ORC1: variants seen among roughly 807,000 people sequenced by gnomAD.
The protein encoded by ORC1 is origin recognition complex, subunit 1 homolog.
In ORC1, 61 loss-of-function variants were observed where a neutral mutation model predicts 98.9. The ratio of observed to expected loss-of-function variants is 0.62; its 90% confidence interval spans 0.50 to 0.76. The LOEUF is 0.76. Ranked by LOEUF, ORC1 falls within the 30% of genes least tolerant of loss-of-function variation. ORC1 has a pLI of 0.00. For missense variants in ORC1, 979 were observed against 1,072.2 expected (o/e 0.91, Z 1.21); for synonymous variants, 385 against 406.9 (o/e 0.95, Z 0.65).
upstream of ORC1, among the ~76,000 whole-genome samples, chr1:52,406,051 C>T (rs1458725249): frequency 2.0e-5 from 3 of 152,012 alleles, no homozygotes; most frequent in Non-Finnish European, 2.9e-5. Context: ...TGCAGTGGTG[C>T]GATCTCGGCC....
chr1:52,393,104 T>C (rs1272859820), intron 6 of ORC1, among the ~76,000 whole-genome samples: 1 of 152,130 alleles, frequency 6.6e-6, no homozygotes, highest in Non-Finnish European at 1.5e-5. Context: ...AAATGACTGT[T>C]AAAGTGTGGC....
At chr1:52,385,137 C>T (rs2147925459) in intron 10 of ORC1, 24 bp downstream of exon 10, 1 of 1,485,792 alleles carries the variant, frequency 6.7e-7, no homozygotes, top group East Asian at 2.3e-5. Flanking sequence ...CCCCAAACTA[C>T]CCTGCCTGCC....
chr1:52,390,522 C>T (rs1470599322), intron 6 of ORC1, among the ~76,000 whole-genome samples: 2 of 152,194 alleles, frequency 1.3e-5, no homozygotes, highest in Non-Finnish European at 2.9e-5. Context: ...TGGGGCCGGC[C>T]ATGGTGGCTC....
In ORC1 at chr1:52,393,218, A is replaced by C. The variant is rs139430708; in HGVS notation, c.1082+225T>G. Among the ~76,000 whole-genome samples the C allele has an allele frequency of 3.9e-3, 601 of 152,294 alleles. 3 individuals carry two copies. Among genetic ancestry groups the C allele is most frequent in the Middle Eastern group, 0.01 (3 of 294 alleles). ...CCCAAATAACAGCTCGGTATACTGG[A>C]ACCATCTGAAGAGCATTTCCAAATA... is the stretch of plus-strand genomic sequence containing the variant. On this transcript the variant is annotated intron_variant, in intron 6 of 16. Coordinates refer to ENST00000371568, the MANE Select transcript of ORC1 (RefSeq NM_004153.4).
In ORC1 at chr1:52,375,567, GC is replaced by G; in HGVS notation, c.2165del (p.Cys722SerfsTer27). On this transcript the variant is annotated frameshift_variant, in exon 15 of 17. Transcript: ENST00000371568. LOFTEE classifies it high-confidence loss of function. ...CTGTGGCACGCCTGCAGATGTCCAGGCACCGTCGTGCATCTCCAGACAGTGC... is the reference window on the plus strand; with the variant it reads ...CTGTGGCACGCCTGCAGATGTCCAGGACCGTCGTGCATCTCCAGACAGTGC... Reference protein sequence around the residue: ...VAALSGDARRCLDICRRATEI... With the variant: ...VAALSGDARRXLDICRRATEI... The G allele has an allele frequency of 1.9e-6, 3 of 1,614,072 alleles. No individual in the cohort carries two copies. The highest frequency in any genetic ancestry group is 2.5e-6 in the Non-Finnish European group (3 of 1,180,026).
At chr1:52,408,904 C>A (rs1390730000), upstream of ORC1, 10 of 467,352 alleles carry the variant, frequency 2.1e-5, no homozygotes, top group Admixed American at 2.6e-4. Flanking sequence ...TGTCTGTCTC[C>A]CTTTCCAAGT....
chr1:52,382,231 G>C (rs578229318), intron 13 of ORC1, among the ~76,000 whole-genome samples: 11 of 152,120 alleles, frequency 7.2e-5, no homozygotes, highest in African/African-American at 2.7e-4. Flanking sequence ...CACCTGCCTC[G>C]GCCTCCCAAA....
chr1:52,373,271 C>A lies in ORC1; in HGVS notation c.2496G>T (p.Leu832=). The A allele has an allele frequency of 6.2e-7, 1 of 1,614,216 alleles. No individual in the cohort carries two copies. Among genetic ancestry groups the A allele is most frequent in the African/African-American group, 1.3e-5 (1 of 75,064 alleles). ...GATCGTTCCTGCTGGGCTCCACAAG[C>A]AGGAGGCGACAGGAGCCCAGGTGAG... The part of the protein sequence containing the change: ...VCSHLGSCRL[L]LVEPSRNDLL... Residue 832 remains leucine, a synonymous_variant, in exon 17 of 17, where the codon CTG becomes CTT. Coordinates refer to ENST00000371568, the MANE Select transcript of ORC1 (RefSeq NM_004153.4).
Position 52,402,175 on chromosome 1 carries a change from C to G in ORC1, c.49G>C (p.Val17Leu). Residue 17 changes from valine to leucine, a missense_variant, in exon 2 of 17, where the codon GTT (valine) becomes CTT (leucine). By Grantham distance (32) the Val-to-Leu change is conservative. Transcript: ENST00000371568. Reference protein sequence around the residue: ...RLKTRKTYSWVGRPLLDRKLH... With the variant: ...RLKTRKTYSWLGRPLLDRKLH... Reference sequence around the variant, plus strand: ...TTTCGATCCAACAAGGGCCTGCCAACCCATGAATAAGTTTTTCTGGTCTTC... The same window carrying G: ...TTTCGATCCAACAAGGGCCTGCCAAGCCATGAATAAGTTTTTCTGGTCTTC... 6.2e-7 allele frequency: 1 copy of G among 1,614,182 alleles called. No homozygotes were observed. Among genetic ancestry groups the G allele is most frequent in the Non-Finnish European group, 8.5e-7 (1 of 1,180,028 alleles).
intron 3 of ORC1, among the ~76,000 whole-genome samples, chr1:52,398,287 G>A (rs532625736): frequency 1.2e-3 from 160 of 128,060 alleles, no homozygotes; most frequent in Admixed American, 2.9e-3. Context: ...TTTTTGTGAC[G>A]GAGTCTTGCT....
At chr1:52,384,480 G>GT (rs1647115214) in intron 11 of ORC1, 70 bp downstream of exon 11, 3 of 1,400,794 alleles carry the variant, frequency 2.1e-6, no homozygotes, top group Non-Finnish European at 3.0e-6. Flanking sequence ...GCAAAATTAA[G>GT]TAACTCTTTC....
rs1569932745 is a variant in ORC1 at position 52,388,653 on chromosome 1, A to G, written c.1188-16T>C. ...ACCTAGAAACCTGAATGGTAGGGAC[A>G]TATTTTTTGATACTCAGTGTTCAAG... is the stretch of plus-strand genomic sequence containing the variant. On this transcript the variant is annotated splice_polypyrimidine_tract_variant and intron_variant, in intron 7 of 16. Transcript: ENST00000371568. 2 of 1,595,864 alleles carry G rather than the reference A, an allele frequency of 1.3e-6. No individual in the cohort carries two copies. Among genetic ancestry groups the G allele is most frequent in the Non-Finnish European group, 8.6e-7 (1 of 1,164,126 alleles).
intron 4 of ORC1, 66 bp downstream of exon 4, chr1:52,397,619 C>T: frequency 6.9e-7 from 1 of 1,452,640 alleles, no homozygotes; most frequent in South Asian, 1.1e-5. Context: ...TTTCTGGGGT[C>T]ATGAAGTTCA....
Position 52,381,464 on chromosome 1 carries a change from G to A in ORC1, c.2133+178C>T, listed in dbSNP as rs1455092495. ...TGCATATAAACCCACAATATTTAGG[G>A]CCCTCTAATCATAAAATAACAAGGC... On this transcript the variant is annotated intron_variant, in intron 14 of 16. Transcript: ENST00000371568. 3.9e-5 allele frequency among the ~76,000 whole-genome samples: 6 copies of A among 152,070 alleles called. No homozygotes were observed. The East Asian group carries it at 7.7e-4, about 20-fold the overall frequency.
In ORC1 at chr1:52,401,442, T is replaced by C. The variant is rs1647702679; in HGVS notation, c.143A>G (p.Gln48Arg). Residue 48 changes from glutamine to arginine, a missense_variant, in exon 3 of 17, where the codon CAG becomes CGG. Transcript: ENST00000371568. ...TTCAATCAACACAAACTGTCCAATC[T>C]GGATGTGAATCTCGGTGGAACAACC... ...TEGCSTEIHI[Q>R]IGQFVLIEGD... 6.2e-7 allele frequency: 1 copy of C among 1,613,968 alleles called. No individual in the cohort carries two copies. The highest frequency in any genetic ancestry group is 1.3e-5 in the African/African-American group (1 of 74,918).
chr1:52,396,519 T>C (rs1025350152), intron 4 of ORC1, among the ~76,000 whole-genome samples, 155 bp from the exon 5 acceptor site: 1 of 152,198 alleles, frequency 6.6e-6, no homozygotes, highest in African/African-American at 2.4e-5. Context: ...GCATAGCATA[T>C]TGCTAGAAAA....
chr1:52,384,690 C>T lies in ORC1; in HGVS notation c.1615G>A (p.Gly539Arg), dbSNP rs766798696. The change falls in exon 11 of 17, where the codon GGG becomes AGG. Residue 539 changes from glycine to arginine, a missense_variant. By Grantham distance (125) the Gly-to-Arg change is moderately radical. Transcript: ENST00000371568. Reference sequence around the variant, plus strand: ...ACTTCATGAACAGTGGCAGTCTTCCCTGTCCCAGGGACACCGGAGATGTAC... The same window carrying T: ...ACTTCATGAACAGTGGCAGTCTTCCTTGTCCCAGGGACACCGGAGATGTAC... ...CMYISGVPGT[G>R]KTATVHEVIR... is the part of the protein sequence containing the mutation. 6.2e-7 allele frequency: 1 copy of T among 1,613,984 alleles called. No individual in the cohort carries two copies.
At position 52,383,968 on chromosome 1, in the gene ORC1, C is replaced by T. The variant is rs1184278327; in HGVS notation, c.1756-31G>A. 5 of 1,567,726 alleles carry T rather than the reference C, an allele frequency of 3.2e-6. No homozygotes were observed. In the African/African-American group the frequency reaches 5.4e-5, roughly 17 times the overall value. On this transcript the variant is annotated intron_variant, in intron 11 of 16. Transcript: ENST00000371568. ...TTAGGAGAAACACAGTTGTGAGGAA[C>T]TGTAAGGGTCTTACTCCCTTGGGCT...
chr1:52,392,274 C>T (rs1485162980), intron 6 of ORC1, among the ~76,000 whole-genome samples: 2 of 151,948 alleles, frequency 1.3e-5, no homozygotes, highest in Admixed American at 6.6e-5. Context: ...GGACCACAGG[C>T]GCCCACCACC....
Sources: allele counts gnomAD v4.1 joint callset (sites outside exome capture counted in the v4.1 genomes callset), GRCh38; gene constraint gnomAD v4.1.1; transcripts MANE v1.5; gene names NCBI Gene and HGNC (gene_info 2026-07-23, HGNC 2026-07-21).